GLRX3: variants seen among roughly 807,000 people sequenced by gnomAD.
GLRX3 encodes the protein glutaredoxin-3.
GLRX3 carries 22 observed loss-of-function variants against 49.5 expected under a neutral mutation model. The ratio of observed to expected loss-of-function variants is 0.44; its 90% confidence interval spans 0.32 to 0.63. The LOEUF (loss-of-function observed/expected upper bound fraction) is 0.63, where lower values mean the gene tolerates loss of function less well. Among genes scored for constraint, GLRX3 ranks in the 30% least tolerant of loss-of-function variants. GLRX3 has a pLI of 0.05. For missense variants in GLRX3, 385 were observed against 396.3 expected (o/e 0.97, Z 0.24); for synonymous variants, 133 against 140.0 (o/e 0.95, Z 0.35).
chr10:130,144,488 G>T (rs966470806), intron 1 of GLRX3, among the ~76,000 whole-genome samples: 6 of 151,062 alleles, frequency 4.0e-5, no homozygotes, highest in African/African-American at 1.5e-4. Context: ...GCCCTGGTAT[G>T]TGATGTTCCC....
At chr10:130,156,959 C>A (rs1353725201) in intron 2 of GLRX3, among the ~76,000 whole-genome samples, 1 of 152,100 alleles carries the variant, frequency 6.6e-6, no homozygotes, top group South Asian at 2.1e-4. Context: ...AAAAATTAAC[C>A]ATAGTATAGT....
intron 4 of GLRX3, among the ~76,000 whole-genome samples, chr10:130,162,678 C>G (rs1353498706): frequency 6.6e-6 from 1 of 152,156 alleles, no homozygotes; most frequent in Non-Finnish European, 1.5e-5. Flanking sequence ...CAGTCTCAGT[C>G]TTTTCTGAAT....
intron 10 of GLRX3, 53 bp downstream of exon 10, chr10:130,175,142 TA>T (rs1434309973): frequency 1.6e-5 from 16 of 1,001,058 alleles, no homozygotes; most frequent in Non-Finnish European, 2.4e-5. Flanking sequence ...TTGGTATGTT[TA>T]AAAATGATTT....
chr10:130,136,976 C>T (rs1862067172), intron 1 of GLRX3, among the ~76,000 whole-genome samples: 1 of 152,232 alleles, frequency 6.6e-6, no homozygotes, highest in Non-Finnish European at 1.5e-5. Flanking sequence ...CGGGAGGGAG[C>T]GGCAGGCTCG....
chr10:130,175,122 G>C, intron 10 of GLRX3, 33 bp downstream of exon 10: 1 of 1,205,134 alleles, frequency 8.3e-7, no homozygotes, highest in Non-Finnish European at 1.2e-6. Flanking sequence ...TCTAAAGAAC[G>C]GAAAAGATTT....
At chr10:130,172,446 C>G (rs1488319624) in intron 8 of GLRX3, among the ~76,000 whole-genome samples, 4 of 152,136 alleles carry the variant, frequency 2.6e-5, no homozygotes, top group Admixed American at 1.3e-4. Context: ...AACAAAAGCA[C>G]TTATTTGGAG....
intron 2 of GLRX3, among the ~76,000 whole-genome samples, chr10:130,145,895 G>A (rs546161514): frequency 8.6e-5 from 13 of 152,018 alleles, no homozygotes; most frequent in African/African-American, 3.1e-4. Flanking sequence ...CCCGGTTTAA[G>A]CGATTTTCCT....
downstream of GLRX3, chr10:130,180,118 G>A (rs559924513): frequency 2.0e-5 from 3 of 151,092 alleles, no homozygotes; most frequent in African/African-American, 7.3e-5. Flanking sequence ...TTCAGACGGG[G>A]TCTGGCTCTG....
chr10:130,144,471 CT>C (rs1751452860), intron 1 of GLRX3, among the ~76,000 whole-genome samples: 1 of 151,974 alleles, frequency 6.6e-6, no homozygotes, highest in African/African-American at 2.4e-5. Context: ...CCCCCACCCC[CT>C]GACAGGCCCT....
At chr10:130,177,070 G>C (rs991252471) in intron 10 of GLRX3, among the ~76,000 whole-genome samples, 4 of 152,168 alleles carry the variant, frequency 2.6e-5, no homozygotes, top group African/African-American at 9.7e-5. Flanking sequence ...TTTTCCTTGA[G>C]AAGATATATG....
Position 130,155,558 on chromosome 10 carries a change from G to T in GLRX3, c.202-4437G>T, listed in dbSNP as rs117295357. 6.2e-3 allele frequency among the ~76,000 whole-genome samples: 950 copies of T among 152,284 alleles called. 19 individuals are homozygous for T. The highest frequency in any genetic ancestry group is 0.044 in the Admixed American group (671 of 15,290). On this transcript the variant is annotated intron_variant, in intron 2 of 10. Coordinates refer to ENST00000331244, the MANE Select transcript of GLRX3 (RefSeq NM_006541.5). Reference sequence around the variant, plus strand: ...TGAGAGAAATGGATTAATCAAGGTTGTCTCCTTTTTGATTTTAGGAACTGG... The same window carrying T: ...TGAGAGAAATGGATTAATCAAGGTTTTCTCCTTTTTGATTTTAGGAACTGG...
intron 10 of GLRX3, among the ~76,000 whole-genome samples, chr10:130,175,563 T>A (rs1387983390): frequency 1.3e-5 from 2 of 152,238 alleles, no homozygotes; most frequent in South Asian, 4.1e-4. Flanking sequence ...CTTGGAAATC[T>A]GTTATCTGTT....
chr10:130,145,410 C>A, intron 2 of GLRX3, 91 bp downstream of exon 2: 1 of 638,486 alleles, frequency 1.6e-6, no homozygotes, highest in South Asian at 1.8e-5. Context: ...CACCTGTAAT[C>A]CCAGCACTTT....
At chr10:130,151,383 T>C (rs906248456) in intron 2 of GLRX3, among the ~76,000 whole-genome samples, 1 of 152,196 alleles carries the variant, frequency 6.6e-6, no homozygotes, top group African/African-American at 2.4e-5. Flanking sequence ...TTTAAAATTA[T>C]TATTATACTT....
At chr10:130,166,244 C>CTT (rs58269012) in intron 4 of GLRX3, among the ~76,000 whole-genome samples, 12 of 139,442 alleles carry the variant, frequency 8.6e-5, no homozygotes, top group Middle Eastern at 3.8e-3. Context: ...ACACACACCA[C>CTT]TTTTTTTTTT....
chr10:130,160,885 A>G lies in GLRX3; in HGVS notation c.366A>G (p.Leu122=), dbSNP rs148460610. ...GACATGCATCTAGTGGCTCCTTCCT[A>G]CCCAGCGCTAATGAACATCTTAAAG... The part of the protein sequence containing the change: ...VQRHASSGSF[L]PSANEHLKED... The change falls in exon 4 of 11, where the codon CTA becomes CTG. Residue 122 remains leucine, a synonymous_variant. Transcript: ENST00000331244. 3.3e-4 allele frequency: 527 copies of G among 1,611,896 alleles called. No homozygotes were observed. Among genetic ancestry groups the G allele is most frequent in the Middle Eastern group, 2.8e-3 (17 of 6,052 alleles).
intron 1 of GLRX3, among the ~76,000 whole-genome samples, chr10:130,137,084 C>T (rs1031037872): frequency 6.6e-6 from 1 of 151,918 alleles, no homozygotes. Flanking sequence ...GCCTGGCTGC[C>T]TTTTGAAGTC....
chr10:130,162,234 C>G (rs1023011025), intron 4 of GLRX3, among the ~76,000 whole-genome samples: 1 of 152,200 alleles, frequency 6.6e-6, no homozygotes, highest in Non-Finnish European at 1.5e-5. Context: ...CCTGCCTTGG[C>G]CTCCCAAAGT....
intron 4 of GLRX3, among the ~76,000 whole-genome samples, chr10:130,162,502 C>T (rs1590068050): frequency 6.6e-6 from 1 of 152,134 alleles, no homozygotes; most frequent in South Asian, 2.1e-4. Context: ...ATTTCTTGTA[C>T]TTTGTGCGGT....
Sources: allele counts gnomAD v4.1 joint callset (sites outside exome capture counted in the v4.1 genomes callset), GRCh38; gene constraint gnomAD v4.1.1; transcripts MANE v1.5; gene names NCBI Gene and HGNC (gene_info 2026-07-23, HGNC 2026-07-21).